Variants in CEP152 observed in about 807,000 individuals in gnomAD.
CEP152 encodes the protein centrosomal protein of 152 kDa.
A neutral mutation model predicts 188.9 loss-of-function variants in CEP152; 132 were observed. The ratio of observed to expected loss-of-function variants is 0.70; its 90% confidence interval spans 0.61 to 0.81. CEP152 has a LOEUF of 0.81. CEP152 is among the 30% of genes least tolerant of loss of function. CEP152 has a pLI of 0.00. For missense variants in CEP152, 1,914 were observed against 1,969.8 expected (o/e 0.97, Z 0.54); for synonymous variants, 649 against 666.6 (o/e 0.97, Z 0.41).
chr15:48,738,155 A>G lies in CEP152; in HGVS notation c.*94T>C. 2 of 1,302,558 alleles carry G rather than the reference A, an allele frequency of 1.5e-6. No homozygotes were observed. The highest frequency in any genetic ancestry group is 3.0e-5 in the African/African-American group (2 of 67,014). The allele number at this position is 1,302,558 out of a possible 1,614,324, so 80.7% of individuals were successfully genotyped here. On this transcript the variant is annotated 3_prime_UTR_variant, in exon 27 of 27. Transcript: ENST00000380950. Reference sequence around the variant, plus strand: ...ATAACAGATGTTATTAAAACATCTCAAAAGAGGCAGGGCTCACAATTTTTT... The same window carrying G: ...ATAACAGATGTTATTAAAACATCTCGAAAGAGGCAGGGCTCACAATTTTTT...
rs189998785 is a variant in CEP152 at position 48,767,642 on chromosome 15, C to G, written c.2019-179G>C. Among the ~76,000 whole-genome samples, 19 of 152,300 alleles carry G rather than the reference C, an allele frequency of 1.2e-4. No individual in the cohort carries two copies. In the East Asian group the frequency reaches 3.5e-3, roughly 28 times the overall value. On this transcript the variant is annotated intron_variant, in intron 15 of 26. Transcript: ENST00000380950. ...TAATAACCAACAATCTTATGAGAAT[C>G]TTCAAAATTTTCTTTCTTCAAATGT... is the stretch of plus-strand genomic sequence containing the variant.
At chr15:48,737,425 T>A (rs944594438), downstream of CEP152, among the ~76,000 whole-genome samples, 1 of 152,232 alleles carries the variant, frequency 6.6e-6, no homozygotes, top group East Asian at 1.9e-4. Flanking sequence ...CATGTATTCT[T>A]CAGTTTAGAA....
intron 8 of CEP152, among the ~76,000 whole-genome samples, chr15:48,790,052 T>C (rs1261978625): frequency 6.6e-6 from 1 of 152,260 alleles, no homozygotes; most frequent in East Asian, 1.9e-4. Flanking sequence ...TTTAATCTAA[T>C]AACTATTGGT....
intron 1 of CEP152, among the ~76,000 whole-genome samples, chr15:48,806,705 G>A (rs996885946): frequency 6.6e-6 from 1 of 152,104 alleles, no homozygotes; most frequent in Non-Finnish European, 1.5e-5. Context: ...TAACAGATAC[G>A]AACTATATCA....
intron 21 of CEP152, among the ~76,000 whole-genome samples, chr15:48,748,920 G>A (rs1400391036): frequency 1.3e-5 from 2 of 151,866 alleles, no homozygotes; most frequent in African/African-American, 4.8e-5. Context: ...CCTACTAAAG[G>A]GAGTCAAGGA....
At chr15:48,766,420 G>A (rs1895099200) in intron 17 of CEP152, among the ~76,000 whole-genome samples, 1 of 152,164 alleles carries the variant, frequency 6.6e-6, no homozygotes, top group Admixed American at 6.5e-5. Context: ...GAAAAGAGGA[G>A]GTGTGACTGT....
At chr15:48,775,343 T>G (rs909453041) in intron 12 of CEP152, among the ~76,000 whole-genome samples, 2 of 151,852 alleles carry the variant, frequency 1.3e-5, no homozygotes, top group African/African-American at 4.8e-5. Context: ...AAAACACACT[T>G]AAACATATCA....
At chr15:48,787,162 CGT>C (rs1491119046) in intron 9 of CEP152, among the ~76,000 whole-genome samples, 4 of 37,164 alleles carry the variant, frequency 1.1e-4, no homozygotes, top group South Asian at 1.0e-3. Context: ...GTATAGCCTT[CGT>C]TTTTTTTTTT....
In CEP152 at chr15:48,767,414, G is replaced by C; in HGVS notation, c.2068C>G (p.Arg690Gly). The C allele has an allele frequency of 1.2e-6, 2 of 1,614,074 alleles. No homozygotes were observed. The highest frequency in any genetic ancestry group is 1.7e-6 in the Non-Finnish European group (2 of 1,180,008). ...QHHEAMKTQIRESLLAKHALE... is the reference protein window; with the variant it reads ...QHHEAMKTQIGESLLAKHALE... Reference sequence around the variant, plus strand: ...GCATGCTTTGCTAATAGGCTTTCACGTATTTGAGTTTTCATGGCTTCATGG... The same window carrying C: ...GCATGCTTTGCTAATAGGCTTTCACCTATTTGAGTTTTCATGGCTTCATGG... Residue 690 changes from arginine (R) to glycine (G), a missense_variant, in exon 16 of 27, where the codon CGT (arginine) becomes GGT (glycine). Transcript: ENST00000380950.
intron 2 of CEP152, among the ~76,000 whole-genome samples, chr15:48,798,974 T>A (rs1401779554): frequency 1.3e-5 from 2 of 152,192 alleles, no homozygotes; most frequent in African/African-American, 4.8e-5. Context: ...ATGTAACAAT[T>A]AGAAGATCAA....
In CEP152 at chr15:48,796,153, C is replaced by A; in HGVS notation, c.548G>T (p.Ser183Ile). 1 of 1,613,648 alleles carries A rather than the reference C, an allele frequency of 6.2e-7. No individual in the cohort carries two copies. Among genetic ancestry groups the A allele is most frequent in the Non-Finnish European group, 8.5e-7 (1 of 1,179,706 alleles). Residue 183 changes from serine (S) to isoleucine (I), a missense_variant, in exon 6 of 27, where the codon AGT becomes ATT. Transcript: ENST00000380950. Reference protein sequence around the residue: ...DPQWNHFQGPSCQGLEPYNKV... With the variant: ...DPQWNHFQGPICQGLEPYNKV... The stretch of plus-strand genomic sequence containing the variant: ...ATTATACGGTTCCAAACCTTGACAA[C>A]TGGGACCCTGTGATAACAAATGAAA...
chr15:48,737,122 C>A (rs1892646629), downstream of CEP152, among the ~76,000 whole-genome samples: 1 of 151,974 alleles, frequency 6.6e-6, no homozygotes. Context: ...CTTTCCAAGC[C>A]CAAAAAGTTT....
intron 24 of CEP152, 105 bp from the exon 25 acceptor site, chr15:48,742,205 T>C: frequency 1.0e-6 from 1 of 998,890 alleles, no homozygotes; most frequent in South Asian, 1.3e-5. Context: ...TGAAGTGATT[T>C]TAAGTATAGT....
At chr15:48,740,990 A>G in intron 26 of CEP152, 2 of 967,478 alleles carry the variant, frequency 2.1e-6, no homozygotes, top group Non-Finnish European at 2.5e-6. Flanking sequence ...TATCACCCTC[A>G]TATGTGGAAC....
At chr15:48,765,520 T>C (rs1300555292) in intron 17 of CEP152, 2 of 386,404 alleles carry the variant, frequency 5.2e-6, no homozygotes, top group Non-Finnish European at 9.9e-6. Context: ...CAGATACTAA[T>C]TGTAACTGAC....
At chr15:48,736,809 C>T (rs1892622886), downstream of CEP152, among the ~76,000 whole-genome samples, 5 of 152,074 alleles carry the variant, frequency 3.3e-5, 1 homozygote, top group South Asian at 1.0e-3. Context: ...GGATTTTGAA[C>T]CAAGTGGAAA....
intron 2 of CEP152, among the ~76,000 whole-genome samples, chr15:48,803,782 T>A (rs1182864010): frequency 6.6e-6 from 1 of 152,184 alleles, no homozygotes; most frequent in Non-Finnish European, 1.5e-5. Flanking sequence ...GGCAGACCTA[T>A]CTCTCTAATA....
rs754490463 is a variant in CEP152, at chr15:48,742,010, C to T, written c.3926G>A (p.Arg1309Gln). The change falls in exon 25 of 27, where the codon CGA becomes CAA. Residue 1309 changes from arginine to glutamine, a missense_variant. Transcript: ENST00000380950. ...AATCAAATAATATTTGCGCATCTTT[C>T]GGGCGGTTTCTTGACGTTCTCGCAG... ...EVLRERQETARKMRKYYLICL... is the reference protein window; with the variant it reads ...EVLRERQETAQKMRKYYLICL... The T allele has an allele frequency of 9.9e-6, 16 of 1,614,030 alleles. No homozygotes were observed. The highest frequency in any genetic ancestry group is 8.0e-5 in the African/African-American group (6 of 74,902).
At chr15:48,760,439 T>C (rs969480224) in intron 18 of CEP152, among the ~76,000 whole-genome samples, 173 bp from the exon 19 acceptor site, 4 of 152,212 alleles carry the variant, frequency 2.6e-5, no homozygotes, top group African/African-American at 7.2e-5. Flanking sequence ...AATCCTTTTG[T>C]TGTAAACTTC....
Sources: allele counts gnomAD v4.1 joint callset (sites outside exome capture counted in the v4.1 genomes callset), GRCh38; gene constraint gnomAD v4.1.1; transcripts MANE v1.5; gene names NCBI Gene and HGNC (gene_info 2026-07-23, HGNC 2026-07-21).